TOPBP1: variants seen among roughly 807,000 people sequenced by gnomAD.
The protein encoded by TOPBP1 is DNA topoisomerase 2-binding protein 1.
TOPBP1 carries 28 observed loss-of-function variants against 167.7 expected under a neutral mutation model. That is an observed-to-expected ratio of 0.17 (90% CI 0.12 to 0.23). The LOEUF (loss-of-function observed/expected upper bound fraction) is 0.23, where lower values mean the gene tolerates loss of function less well. TOPBP1 is among the 10% of genes least tolerant of loss of function. The probability of loss-of-function intolerance (pLI) is 1.00; values close to 1 mark genes in which losing one functional copy is unlikely to be tolerated. For synonymous variants in TOPBP1, 598 were observed against 611.4 expected (o/e 0.98, Z 0.32); for missense variants, 1,554 against 1,809.6 (o/e 0.86, Z 2.56).
chr3:133,608,743 T>C (rs1934578715), intron 26 of TOPBP1, 47 bp from the exon 27 acceptor site: 2 of 1,604,056 alleles, frequency 1.2e-6, no homozygotes, highest in Non-Finnish European at 1.7e-6. Flanking sequence ...TATTCCAAAG[T>C]AGTTCAGCTG....
At chr3:133,610,963 T>C in intron 25 of TOPBP1, 41 bp downstream of exon 25, 2 of 1,513,434 alleles carry the variant, frequency 1.3e-6, no homozygotes, top group Non-Finnish European at 1.8e-6. Flanking sequence ...GTCACAATAT[T>C]GAATGCTATT....
intron 8 of TOPBP1, among the ~76,000 whole-genome samples, chr3:133,651,235 G>A (rs981869713): frequency 2.8e-5 from 4 of 145,016 alleles, no homozygotes; most frequent in Admixed American, 7.1e-5. Flanking sequence ...TGACCAGGCC[G>A]GAGTGCAATG....
chr3:133,613,729 T>C (rs1268530804), intron 23 of TOPBP1, among the ~76,000 whole-genome samples: 1 of 151,948 alleles, frequency 6.6e-6, no homozygotes, highest in Non-Finnish European at 1.5e-5. Context: ...GCTGTTGATT[T>C]ATAGCTTAGA....
At position 133,657,988 on chromosome 3, in the gene TOPBP1, C is replaced by A. The variant is rs755899381; in HGVS notation, c.220-47G>T. On this transcript the variant is annotated intron_variant, in intron 3 of 27. Transcript: ENST00000260810. Reference sequence around the variant, plus strand: ...AAATGAGTTAAGAAGGAAAAGACCACCAGTCTTACAAAATTACATTTTGTA... The same window carrying A: ...AAATGAGTTAAGAAGGAAAAGACCAACAGTCTTACAAAATTACATTTTGTA... 2.8e-6 allele frequency: 4 copies of A among 1,413,214 alleles called. No homozygotes were observed. In the East Asian group the frequency reaches 1.1e-4, roughly 37 times the overall value. The allele number at this position is 1,413,214 out of a possible 1,614,324, so 87.5% of individuals were successfully genotyped here.
rs55877229 is a variant in TOPBP1 at position 133,610,636 on chromosome 3, TAA to T, written c.4173+366_4173+367del. Among the ~76,000 whole-genome samples, 506 of 135,330 alleles carry T rather than the reference TAA, an allele frequency of 3.7e-3. 2 individuals are homozygous for T. Among genetic ancestry groups the T allele is most frequent in the African/African-American group, 9.6e-3 (353 of 36,674 alleles). The allele number at this position is 135,330 out of a possible 152,430, so 88.8% of individuals were successfully genotyped here. On this transcript the variant is annotated intron_variant, in intron 25 of 27. Coordinates refer to ENST00000260810, the MANE Select transcript of TOPBP1 (RefSeq NM_007027.4). ...AGCATGATGTAGGCTGATTAAAATTTAAAAAAAAAAAAAAAAAAGACCGGAAG... is the reference window on the plus strand; with the variant it reads ...AGCATGATGTAGGCTGATTAAAATTTAAAAAAAAAAAAAAAAGACCGGAAG...
At chr3:133,630,249 A>G (rs1308313311) in intron 14 of TOPBP1, among the ~76,000 whole-genome samples, 1 of 150,430 alleles carries the variant, frequency 6.6e-6, no homozygotes, top group African/African-American at 2.4e-5. Context: ...CTGTGATATA[A>G]TACCCACGTA....
chr3:133,630,933 G>A (rs1477058145), intron 14 of TOPBP1, among the ~76,000 whole-genome samples: 4 of 152,082 alleles, frequency 2.6e-5, no homozygotes, highest in East Asian at 3.9e-4. Context: ...GGTTGTTCAC[G>A]CTTGTAATTC....
intron 7 of TOPBP1, 37 bp from the exon 8 acceptor site, chr3:133,652,666 A>G: frequency 6.6e-7 from 1 of 1,510,400 alleles, no homozygotes; most frequent in Non-Finnish European, 9.0e-7. Context: ...TATGGGAGAT[A>G]AAATAATCAT....
chr3:133,638,545 A>G lies in TOPBP1; in HGVS notation c.2234-383T>C, dbSNP rs1028576123. ...AGTCAATGACAGAGTAAAAAGAAAA[A>G]TCTCAATTACAGGTACTCAGAGTTA... On this transcript the variant is annotated intron_variant, in intron 13 of 27. Coordinates refer to ENST00000260810, the MANE Select transcript of TOPBP1 (RefSeq NM_007027.4). 2.0e-5 allele frequency among the ~76,000 whole-genome samples: 3 copies of G among 152,318 alleles called. No individual in the cohort carries two copies. In the South Asian group the frequency reaches 6.2e-4, roughly 32 times the overall value.
chr3:133,640,550 A>G (rs2107810607), intron 12 of TOPBP1, among the ~76,000 whole-genome samples: 1 of 152,216 alleles, frequency 6.6e-6, no homozygotes, highest in East Asian at 1.9e-4. Flanking sequence ...ACCTAAGACT[A>G]CAGGTGTACA....
At chr3:133,611,771 GTAAA>G (rs1487394405) in intron 24 of TOPBP1, among the ~76,000 whole-genome samples, 4 of 152,154 alleles carry the variant, frequency 2.6e-5, no homozygotes, top group Non-Finnish European at 5.9e-5. Context: ...ACTTTTTTAA[GTAAA>G]TAAATAAATT....
chr3:133,637,975 T>C lies in TOPBP1; in HGVS notation c.2421A>G (p.Ala807=). The change falls in exon 14 of 28, where the codon GCA becomes GCG. Residue 807 remains alanine (A), a synonymous_variant. Transcript: ENST00000260810. ...QHARQVAASP[A]VGQPLQKEPS... ...GCTCCTTCTGAAGTGGTTGTCCTAC[T>C]GCTGGGGAGGCTGCGACCTGTCTGG... 1 of 1,613,978 alleles carries C rather than the reference T, an allele frequency of 6.2e-7. No individual in the cohort carries two copies. Among genetic ancestry groups the C allele is most frequent in the Non-Finnish European group, 8.5e-7 (1 of 1,179,870 alleles).
chr3:133,652,091 C>A (rs866191059), intron 8 of TOPBP1, among the ~76,000 whole-genome samples: 143 of 151,684 alleles, frequency 9.4e-4, no homozygotes, highest in African/African-American at 3.3e-3. Context: ...GATTGTGCCA[C>A]TGCATCCCAG....
chr3:133,601,559 C>T (rs571802502), intron 27 of TOPBP1, among the ~76,000 whole-genome samples, 166 bp from the exon 28 acceptor site: 9 of 152,270 alleles, frequency 5.9e-5, no homozygotes, highest in Non-Finnish European at 7.3e-5. Context: ...AAAATGGACC[C>T]TGTGGGACAA....
Position 133,638,019 on chromosome 3 carries a change from C to G in TOPBP1, c.2377G>C (p.Ala793Pro). 1 of 1,613,964 alleles carries G rather than the reference C, an allele frequency of 6.2e-7. No individual in the cohort carries two copies. Among genetic ancestry groups the G allele is most frequent in the Non-Finnish European group, 8.5e-7 (1 of 1,179,870 alleles). Residue 793 changes from alanine (A) to proline (P), a missense_variant, in exon 14 of 28, where the codon GCT becomes CCT. Ala to Pro is a conservative substitution (Grantham distance 27). Around this residue, in one of 3 missense-constraint regions of TOPBP1, gnomAD observed 1,197 missense variants for 1,351.5 expected, o/e 0.89. Coordinates refer to ENST00000260810, the MANE Select transcript of TOPBP1 (RefSeq NM_007027.4). The part of the protein sequence containing the change: ...MNRFQSKAFR[A>P]VVSQHARQVA... ...TGTCTGGCATGTTGTGAGACCACAG[C>G]ACGGAAAGCTTTACTCTGAAAGCGG...
intron 27 of TOPBP1, among the ~76,000 whole-genome samples, chr3:133,604,888 C>T (rs1204598546): frequency 1.3e-5 from 2 of 151,794 alleles, no homozygotes; most frequent in Non-Finnish European, 2.9e-5. Flanking sequence ...CACTGCACTC[C>T]AGGCTGGGCG....
intron 13 of TOPBP1, among the ~76,000 whole-genome samples, chr3:133,639,558 C>T (rs542270713): frequency 7.9e-5 from 12 of 151,968 alleles, no homozygotes; most frequent in African/African-American, 2.4e-4. Flanking sequence ...GTAACAAACC[C>T]GCATATTGTG....
chr3:133,628,603 G>A lies in TOPBP1; in HGVS notation c.2651C>T (p.Ala884Val). Residue 884 changes from alanine to valine, a missense_variant, in exon 15 of 28, where the codon GCT (alanine) becomes GTT (valine). Ala to Val is a moderately conservative substitution (Grantham distance 64, BLOSUM62 0). This residue lies in a region of TOPBP1 where 1,197 missense variants were observed against 1,351.5 expected (regional missense o/e 0.89). Transcript: ENST00000260810. ...TTTCAGTTGAGGGCTGGCAGAAAGA[G>A]CGACAGCATTTCGAGAGCTATTTGC... ...ALANSSRNAV[A>V]LSASPQLKEA... The A allele has an allele frequency of 6.2e-7, 1 of 1,611,082 alleles. No individual in the cohort carries two copies. Among genetic ancestry groups the A allele is most frequent in the Non-Finnish European group, 8.5e-7 (1 of 1,178,654 alleles).
chr3:133,640,186 A>T lies in TOPBP1; in HGVS notation c.2022-16T>A. ...TTCTTGAACACTGAAATTTATGTTTAAAGAAGTGGAAATGGTCACATATAC... is the reference window on the plus strand; with the variant it reads ...TTCTTGAACACTGAAATTTATGTTTTAAGAAGTGGAAATGGTCACATATAC... On this transcript the variant is annotated splice_polypyrimidine_tract_variant and intron_variant, in intron 12 of 27. Transcript: ENST00000260810. 6.3e-7 allele frequency: 1 copy of T among 1,598,388 alleles called. No individual in the cohort carries two copies. Among genetic ancestry groups the T allele is most frequent in the Non-Finnish European group, 8.5e-7 (1 of 1,170,486 alleles).
Sources: allele counts gnomAD v4.1 joint callset (sites outside exome capture counted in the v4.1 genomes callset), GRCh38; gene constraint gnomAD v4.1.1; regional missense constraint gnomAD v4.1.1; transcripts MANE v1.5; gene names NCBI Gene and HGNC (gene_info 2026-07-23, HGNC 2026-07-21).